Variants in OGA observed in about 807,000 individuals in gnomAD.
The protein encoded by OGA is O-GlcNAcase, also known as protein O-GlcNAcase.
In OGA, 21 loss-of-function variants were observed where a neutral mutation model predicts 102.0. That is an observed-to-expected ratio of 0.21 (90% CI 0.15 to 0.30). The LOEUF is 0.30. Among genes scored for constraint, OGA ranks in the 10% least tolerant of loss-of-function variants. The probability of loss-of-function intolerance (pLI) is 1.00; values close to 1 mark genes in which losing one functional copy is unlikely to be tolerated. For missense variants in OGA, 765 were observed against 1,107.8 expected (o/e 0.69, Z 4.39); for synonymous variants, 408 against 378.2 (o/e 1.08, Z -0.91).
At chr10:101,798,723 T>A (rs2065351387) in intron 9 of OGA, 119 bp downstream of exon 9, 4 of 1,299,794 alleles carry the variant, frequency 3.1e-6, no homozygotes, top group Admixed American at 4.9e-5. Context: ...CTAAAGAACA[T>A]ATTCTAAAAC....
chr10:101,791,494 A>C, intron 12 of OGA, 55 bp from the exon 13 acceptor site: 1 of 1,429,180 alleles, frequency 7.0e-7, no homozygotes, highest in East Asian at 2.3e-5. Context: ...GCAGAATCTA[A>C]CAATATAACT....
At chr10:101,793,885 C>A in intron 11 of OGA, 28 bp downstream of exon 11, 1 of 1,505,508 alleles carries the variant, frequency 6.6e-7, no homozygotes, top group South Asian at 1.1e-5. Context: ...AAGAAAATGT[C>A]AATTCAGTTG....
chr10:101,813,910 C>A (rs530339851), intron 1 of OGA, among the ~76,000 whole-genome samples: 1 of 152,132 alleles, frequency 6.6e-6, no homozygotes, highest in African/African-American at 2.4e-5. Flanking sequence ...TTGATAAAGT[C>A]CAAATATATT....
In OGA at chr10:101,818,125, G is replaced by A; in HGVS notation, c.-103C>T. The A allele has an allele frequency of 6.4e-6, 9 of 1,397,650 alleles. No homozygotes were observed. Among genetic ancestry groups the A allele is most frequent in the Non-Finnish European group, 8.4e-6 (9 of 1,077,002 alleles). The allele number at this position is 1,397,650 out of a possible 1,614,324, so 86.6% of individuals were successfully genotyped here. ...GAGAGGGCTTCAGCTCCAAGTGTGCGCCCCTCCGGCTCCTTCCCCTCCCCC... is the reference window on the plus strand; with the variant it reads ...GAGAGGGCTTCAGCTCCAAGTGTGCACCCCTCCGGCTCCTTCCCCTCCCCC... On this transcript the variant is annotated 5_prime_UTR_variant, in exon 1 of 16. Transcript: ENST00000361464.
chr10:101,811,845 ATATAC>A (rs1419874070), intron 3 of OGA, among the ~76,000 whole-genome samples: 5 of 152,236 alleles, frequency 3.3e-5, no homozygotes, highest in African/African-American at 9.6e-5. Context: ...TACTACTAGT[ATATAC>A]TATAAGACAT....
intron 4 of OGA, among the ~76,000 whole-genome samples, chr10:101,808,867 G>A (rs1363607596): frequency 6.6e-6 from 1 of 152,104 alleles, no homozygotes; most frequent in African/African-American, 2.4e-5. Context: ...TTACTCAGGA[G>A]GCTGAGGCCA....
intron 1 of OGA, among the ~76,000 whole-genome samples, chr10:101,815,576 G>T (rs1385586374): frequency 6.6e-6 from 1 of 152,006 alleles, no homozygotes; most frequent in African/African-American, 2.4e-5. Flanking sequence ...GAGCCACCGC[G>T]CCCGGCCAAT....
intron 12 of OGA, among the ~76,000 whole-genome samples, chr10:101,791,661 T>C (rs1183535024): frequency 3.9e-5 from 6 of 152,248 alleles, no homozygotes; most frequent in Admixed American, 3.9e-4. Flanking sequence ...GAATTGGCTT[T>C]TGCAGAGGAT....
chr10:101,794,266 G>C (rs1466506653), intron 10 of OGA, among the ~76,000 whole-genome samples: 1 of 152,106 alleles, frequency 6.6e-6, no homozygotes, highest in Non-Finnish European at 1.5e-5. Context: ...GTTTGTCTGA[G>C]TCAACTTTAT....
chr10:101,808,939 C>T (rs1168745638), intron 4 of OGA, among the ~76,000 whole-genome samples: 2 of 151,832 alleles, frequency 1.3e-5, no homozygotes, highest in Non-Finnish European at 2.9e-5. Flanking sequence ...CACTGCACTC[C>T]AGCCTGGGCG....
At chr10:101,795,648 CCT>C (rs574222816) in intron 10 of OGA, among the ~76,000 whole-genome samples, 51 of 152,196 alleles carry the variant, frequency 3.4e-4, no homozygotes, top group Non-Finnish European at 2.8e-4. Context: ...AAATACTCTC[CCT>C]GTCGTGAGCT....
intron 10 of OGA, chr10:101,795,827 A>G (rs934717082): frequency 1.1e-5 from 9 of 814,442 alleles, no homozygotes; most frequent in Non-Finnish European, 1.3e-5. Context: ...AAAAATAAAA[A>G]AACTCACAAT....
Position 101,817,909 on chromosome 10 carries a change from T to C in OGA, c.114A>G (p.Gly38=). 6.4e-7 allele frequency: 1 copy of C among 1,570,332 alleles called. No individual in the cohort carries two copies. The highest frequency in any genetic ancestry group is 1.8e-5 in the Admixed American group (1 of 55,284). ...CCCCAGCCCCGGCGGGGTTGTCTTC[T>C]CCGGGTGCCGGAGCTGCCGGCGGCT... The part of the protein sequence containing the change: ...SLEPPAAPAP[G]EDNPAGAGGA... The change falls in exon 1 of 16, where the codon GGA becomes GGG. Residue 38 remains glycine (G), a synonymous_variant. Coordinates refer to ENST00000361464, the MANE Select transcript of OGA (RefSeq NM_012215.5).
At chr10:101,808,740 C>T (rs1366710289) in intron 4 of OGA, among the ~76,000 whole-genome samples, 1 of 151,970 alleles carries the variant, frequency 6.6e-6, no homozygotes, top group Non-Finnish European at 1.5e-5. Context: ...GAGGCCGAGG[C>T]GGGCAAACCA....
At chr10:101,814,845 A>G (rs898198864) in intron 1 of OGA, among the ~76,000 whole-genome samples, 2 of 152,244 alleles carry the variant, frequency 1.3e-5, no homozygotes, top group Non-Finnish European at 2.9e-5. Flanking sequence ...TTATGCACAC[A>G]CTGCAGAAAA....
chr10:101,807,190 T>C (rs2065488071), intron 5 of OGA, among the ~76,000 whole-genome samples: 1 of 152,066 alleles, frequency 6.6e-6, no homozygotes, highest in Non-Finnish European at 1.5e-5. Flanking sequence ...CAAGGAAGTG[T>C]GGGGAAAACT....
At chr10:101,806,274 C>G in intron 5 of OGA, 131 bp from the exon 6 acceptor site, 1 of 550,284 alleles carries the variant, frequency 1.8e-6, no homozygotes, top group Non-Finnish European at 3.3e-6. Context: ...ACGATCTCGG[C>G]TCACTGCAAC....
intron 7 of OGA, among the ~76,000 whole-genome samples, chr10:101,801,759 G>C (rs1208620566): frequency 1.3e-5 from 2 of 152,180 alleles, no homozygotes; most frequent in Non-Finnish European, 2.9e-5. Flanking sequence ...GCAGAGGTAT[G>C]GAATTGAGAA....
chr10:101,808,743 G>A (rs1299165355), intron 4 of OGA, among the ~76,000 whole-genome samples: 1 of 152,124 alleles, frequency 6.6e-6, no homozygotes, highest in African/African-American at 2.4e-5. Flanking sequence ...GCCGAGGCGG[G>A]CAAACCATGA....
Sources: allele counts gnomAD v4.1 joint callset (sites outside exome capture counted in the v4.1 genomes callset), GRCh38; gene constraint gnomAD v4.1.1; transcripts MANE v1.5; gene names NCBI Gene and HGNC (gene_info 2026-07-23, HGNC 2026-07-21).